Variants in AFAP1 observed in about 807,000 individuals in gnomAD.
AFAP1 encodes the protein actin filament-associated protein 1.
AFAP1 carries 75 observed loss-of-function variants against 93.9 expected under a neutral mutation model. The ratio of observed to expected loss-of-function variants is 0.80; its 90% CI spans 0.66 to 0.97. The LOEUF (loss-of-function observed/expected upper bound fraction) is 0.97, where lower values mean the gene tolerates loss of function less well. Among genes scored for constraint, AFAP1 ranks in the 50% least tolerant of loss-of-function variants. The pLI, the probability that AFAP1 is intolerant of heterozygous loss-of-function variation, is 0.00. For missense variants in AFAP1, 1,201 were observed against 1,050.8 expected (o/e 1.14, Z -1.98); for synonymous variants, 517 against 430.7 (o/e 1.20, Z -2.48).
chr4:7,877,902 A>G (rs2149192800), intron 1 of AFAP1, among the ~76,000 whole-genome samples: 1 of 152,260 alleles, frequency 6.6e-6, no homozygotes, highest in East Asian at 1.9e-4. Flanking sequence ...GCTCCCCCAT[A>G]TCGCCAGTTC....
chr4:7,832,170 T>C (rs1032474498), intron 6 of AFAP1, among the ~76,000 whole-genome samples: 1 of 152,082 alleles, frequency 6.6e-6, no homozygotes, highest in African/African-American at 2.4e-5. Context: ...GTGGCTGATG[T>C]ATAACATATT....
At chr4:7,869,417 TTCCTGGGA>T (rs1420475430) in intron 2 of AFAP1, among the ~76,000 whole-genome samples, 36 of 152,338 alleles carry the variant, frequency 2.4e-4, no homozygotes, top group African/African-American at 8.2e-4. Flanking sequence ...GACAGACACC[TTCCTGGGA>T]ATCAATAAAT....
At chr4:7,835,995 T>C (rs527418046) in intron 6 of AFAP1, among the ~76,000 whole-genome samples, 1 of 152,198 alleles carries the variant, frequency 6.6e-6, no homozygotes, top group African/African-American at 2.4e-5. Flanking sequence ...TGCTCCTTGG[T>C]AGTGGAAAGC....
At chr4:7,802,056 A>G (rs75921772) in intron 9 of AFAP1, among the ~76,000 whole-genome samples, 1 of 151,582 alleles carries the variant, frequency 6.6e-6, no homozygotes. Flanking sequence ...AAGACAAAAA[A>G]AGAGAGGTAT....
intron 1 of AFAP1, among the ~76,000 whole-genome samples, chr4:7,881,331 C>A (rs910601708): frequency 3.3e-5 from 5 of 152,114 alleles, no homozygotes; most frequent in Non-Finnish European, 7.4e-5. Context: ...CCAGGCACCC[C>A]CACATGGCAT....
chr4:7,931,548 T>C (rs951414478), intron 1 of AFAP1, among the ~76,000 whole-genome samples: 1 of 145,700 alleles, frequency 6.9e-6, no homozygotes, highest in East Asian at 2.0e-4. Flanking sequence ...CGCCCAGCAT[T>C]TTTTTTTTTT....
At chr4:7,781,744 C>G (rs917620205) in intron 12 of AFAP1, 117 bp from the exon 13 acceptor site, 40 of 996,846 alleles carry the variant, frequency 4.0e-5, no homozygotes, top group Non-Finnish European at 5.4e-5. Flanking sequence ...CACCCCAACA[C>G]TCTCCTGCAC....
intron 6 of AFAP1, among the ~76,000 whole-genome samples, chr4:7,833,755 G>A (rs960690078): frequency 6.6e-6 from 1 of 151,834 alleles, no homozygotes; most frequent in East Asian, 1.9e-4. Context: ...TGCCTGGCTA[G>A]TTTTTTGTAT....
intron 3 of AFAP1, among the ~76,000 whole-genome samples, chr4:7,860,920 G>A (rs1030495443): frequency 2.6e-5 from 4 of 151,852 alleles, no homozygotes; most frequent in Non-Finnish European, 1.5e-5. Flanking sequence ...CGCTTGCCTC[G>A]CCTGCCTCGC....
chr4:7,796,402 G>C (rs1345392870), intron 10 of AFAP1, among the ~76,000 whole-genome samples: 1 of 152,136 alleles, frequency 6.6e-6, no homozygotes, highest in Non-Finnish European at 1.5e-5. Flanking sequence ...CCAAATCTGT[G>C]ATAGTTTGAC....
chr4:7,774,841 T>C lies in AFAP1; in HGVS notation c.1960A>G (p.Lys654Glu), dbSNP rs1026930765. 3.7e-6 allele frequency: 6 copies of C among 1,614,106 alleles called. No homozygotes were observed. Among genetic ancestry groups the C allele is most frequent in the Middle Eastern group, 3.3e-4 (2 of 6,084 alleles). The part of the protein sequence containing the change: ...VEADAKRLQT[K>E]EEELLKRKEA... ...TTCCTCTTCAGCAGCTCCTCCTCTT[T>C]GGTCTGTAGCCGCTTGGCATCTGCT... Residue 654 changes from lysine (K) to glutamate (E), a missense_variant, in exon 15 of 18, where the codon AAA becomes GAA. By Grantham distance (56) the Lys-to-Glu change is moderately conservative. Coordinates refer to ENST00000420658, the MANE Select transcript of AFAP1 (RefSeq NM_001134647.2).
intron 2 of AFAP1, among the ~76,000 whole-genome samples, chr4:7,869,793 G>T (rs1242607028): frequency 6.6e-6 from 1 of 152,092 alleles, no homozygotes. Context: ...ATGGAGAAAA[G>T]AACTTCGTTA....
chr4:7,889,542 C>CAAA (rs576725041), intron 1 of AFAP1, among the ~76,000 whole-genome samples: 2 of 60,656 alleles, frequency 3.3e-5, no homozygotes, highest in African/African-American at 6.0e-5. Context: ...AACTCCATCC[C>CAAA]AAAAAAAAAA....
At chr4:7,863,658 G>C (rs1288729244) in intron 3 of AFAP1, among the ~76,000 whole-genome samples, 1 of 152,074 alleles carries the variant, frequency 6.6e-6, no homozygotes, top group East Asian at 1.9e-4. Flanking sequence ...AGACACATTA[G>C]CCAGGTGGAA....
chr4:7,912,625 G>A (rs1719798764), intron 1 of AFAP1, among the ~76,000 whole-genome samples: 1 of 152,088 alleles, frequency 6.6e-6, no homozygotes, highest in South Asian at 2.1e-4. Flanking sequence ...CAAAGTAGAT[G>A]GTTTGGTTTT....
At chr4:7,831,931 G>A (rs1045676476) in intron 6 of AFAP1, among the ~76,000 whole-genome samples, 28 of 152,156 alleles carry the variant, frequency 1.8e-4, no homozygotes, top group African/African-American at 6.5e-4. Flanking sequence ...AAGAGGGAAC[G>A]GCAAACTGTC....
At chr4:7,836,091 T>C (rs1345688399) in intron 6 of AFAP1, among the ~76,000 whole-genome samples, 4 of 151,658 alleles carry the variant, frequency 2.6e-5, no homozygotes, top group Admixed American at 6.6e-5. Flanking sequence ...CTTCACAGTG[T>C]ATGCAAAAAA....
At chr4:7,850,135 T>C (rs1470061262) in intron 4 of AFAP1, among the ~76,000 whole-genome samples, 1 of 152,186 alleles carries the variant, frequency 6.6e-6, no homozygotes, top group African/African-American at 2.4e-5. Flanking sequence ...GAGATCTCAC[T>C]CTAGAGAAAT....
At chr4:7,810,875 C>T (rs1719960977) in intron 8 of AFAP1, among the ~76,000 whole-genome samples, 1 of 152,230 alleles carries the variant, frequency 6.6e-6, no homozygotes, top group South Asian at 2.1e-4. Context: ...TGCCAGCTGG[C>T]ATCCTATGTC....
Sources: allele counts gnomAD v4.1 joint callset (sites outside exome capture counted in the v4.1 genomes callset), GRCh38; gene constraint gnomAD v4.1.1; transcripts MANE v1.5; gene names NCBI Gene and HGNC (gene_info 2026-07-23, HGNC 2026-07-21).